PGF: variants seen among roughly 807,000 people sequenced by gnomAD.
PGF encodes the protein placental growth factor, also known as placenta growth factor.
Under a neutral mutation model 25.3 loss-of-function variants are expected in PGF, and 11 were observed. The ratio of observed to expected loss-of-function variants is 0.43; its 90% confidence interval spans 0.27 to 0.72. The LOEUF is 0.72. Ranked by LOEUF, PGF falls within the 30% of genes least tolerant of loss-of-function variation. The probability of loss-of-function intolerance (pLI) is 0.18; values close to 1 mark genes in which losing one functional copy is unlikely to be tolerated. For synonymous variants in PGF, 105 were observed against 97.9 expected, an observed-to-expected ratio of 1.07 and a Z score of -0.43; for missense variants, 230 against 234.9, an observed-to-expected ratio of 0.98 and a Z score of 0.14.
At chr14:74,952,951 G>A (rs2140409696) in intron 2 of PGF, among the ~76,000 whole-genome samples, 1 of 152,328 alleles carries the variant, frequency 6.6e-6, no homozygotes, top group African/African-American at 2.4e-5. Flanking sequence ...AGGGCATAGT[G>A]TGGAGGTAGG....
intron 6 of PGF, chr14:74,944,639 A>G (rs573915054): frequency 2.0e-5 from 3 of 148,516 alleles, no homozygotes; most frequent in African/African-American, 7.5e-5. Flanking sequence ...TTGACCTCCC[A>G]GGCTCAGGTG....
chr14:74,946,197 G>A lies in PGF; in HGVS notation c.485+16C>T, dbSNP rs1888728450. The A allele has an allele frequency of 6.2e-7, 1 of 1,612,716 alleles. No individual in the cohort carries two copies. Among genetic ancestry groups the A allele is most frequent in the Non-Finnish European group, 8.5e-7 (1 of 1,178,966 alleles). On this transcript the variant is annotated intron_variant, in intron 6 of 6. Coordinates refer to ENST00000555567, the MANE Select transcript of PGF (RefSeq NM_002632.6). ...GGCCCAGCCTCCTCGCCATCCCTGGGACCCCGCACACTCACAGGTGGCAGT... is the reference window on the plus strand; with the variant it reads ...GGCCCAGCCTCCTCGCCATCCCTGGAACCCCGCACACTCACAGGTGGCAGT...
intron 4 of PGF, chr14:74,947,034 G>A (rs979014980): frequency 3.0e-5 from 18 of 591,034 alleles, no homozygotes; most frequent in Non-Finnish European, 4.5e-5. Context: ...TGGGAACAGT[G>A]GGTAGAGACA....
rs566804579 is a variant in PGF at position 74,950,558 on chromosome 14, G to A, written c.119-1005C>T. Among the ~76,000 whole-genome samples the A allele has an allele frequency of 6.6e-6, 1 of 152,186 alleles. No individual in the cohort carries two copies. The highest frequency in any genetic ancestry group is 1.9e-4 in the East Asian group (1 of 5,188). ...CTCAAAAGATGCTGCTCTTTCGGGG[G>A]AAGGCCTAGGACCAGGCCCCAAATA... On this transcript the variant is annotated intron_variant, in intron 2 of 6. Transcript: ENST00000555567. The surrounding 1 kb of genome is among the most constrained non-coding windows in gnomAD (Gnocchi z 4.1).
Position 74,953,872 on chromosome 14 carries a change from G to A in PGF, c.118+32C>T. On this transcript the variant is annotated intron_variant, in intron 2 of 6. Transcript: ENST00000555567. This position sits in a 1 kb window ranked among gnomAD's most constrained non-coding sequence, Gnocchi z 5.4. ...GGAGAAAGGAAGAGAGGGGCTTGGG[G>A]AGCATGCGTACCCCCAGCCTGGCCA... 1 of 1,610,296 alleles carries A rather than the reference G, an allele frequency of 6.2e-7. No homozygotes were observed. The highest frequency in any genetic ancestry group is 8.5e-7 in the Non-Finnish European group (1 of 1,176,742).
At chr14:74,944,381 T>A (rs61759397) in intron 6 of PGF, among the ~76,000 whole-genome samples, 3 of 151,438 alleles carry the variant, frequency 2.0e-5, no homozygotes, top group Non-Finnish European at 4.4e-5. Context: ...GGATTACAGG[T>A]GTGAGCCACC....
chr14:74,948,549 T>G lies in PGF; in HGVS notation c.350A>C (p.Tyr117Ser). The stretch of plus-strand genomic sequence containing the variant: ...GTGCTGAGAGAACGTCAGCTCCACG[T>G]AGGAGGGCCGGTCCCCAGAACGGAT... The part of the protein sequence containing the change: ...LKIRSGDRPS[Y>S]VELTFSQHVR... Residue 117 changes from tyrosine (Y) to serine (S), a missense_variant, in exon 4 of 7, where the codon TAC becomes TCC. Physicochemically the swap from Tyr to Ser is moderately radical, Grantham distance 144 (BLOSUM62 -2). Transcript: ENST00000555567. The G allele has an allele frequency of 6.2e-7, 1 of 1,605,006 alleles. No individual in the cohort carries two copies. The highest frequency in any genetic ancestry group is 8.5e-7 in the Non-Finnish European group (1 of 1,173,188).
chr14:74,946,171 G>A (rs769389299), intron 6 of PGF, 42 bp downstream of exon 6: 12 of 1,593,996 alleles, frequency 7.5e-6, no homozygotes, highest in African/African-American at 4.0e-5. Flanking sequence ...GGCTCCCCTC[G>A]GGCCCAGCCT....
intron 3 of PGF, among the ~76,000 whole-genome samples, chr14:74,948,854 A>T (rs1289794578): frequency 1.3e-5 from 2 of 152,148 alleles, no homozygotes. Context: ...CCGTGTTCAG[A>T]TCTTGACTCT....
intron 1 of PGF, among the ~76,000 whole-genome samples, chr14:74,954,407 G>A (rs957496919): frequency 1.3e-5 from 2 of 152,272 alleles, no homozygotes; most frequent in Admixed American, 1.3e-4. Flanking sequence ...GGCCAGCCCT[G>A]CAGCAGGCAG....
chr14:74,942,760 CG>C, intron 6 of PGF, 27 bp from the exon 7 acceptor site: 2 of 1,603,242 alleles, frequency 1.2e-6, no homozygotes, highest in Non-Finnish European at 1.7e-6. Context: ...ACAGACGGGG[CG>C]GGTATCAGCA....
At chr14:74,951,627 C>G (rs1416004631) in intron 2 of PGF, among the ~76,000 whole-genome samples, 1 of 152,214 alleles carries the variant, frequency 6.6e-6, no homozygotes, top group African/African-American at 2.4e-5. Context: ...GCTGCGGGGC[C>G]ATGGCCACCT....
Position 74,955,250 on chromosome 14 carries a change from G to C in PGF, c.-8C>G. 6.9e-7 allele frequency: 1 copy of C among 1,451,608 alleles called. No individual in the cohort carries two copies. Among genetic ancestry groups the C allele is most frequent in the African/African-American group, 1.5e-5 (1 of 68,916 alleles). The allele number at this position is 1,451,608 out of a possible 1,614,324, so 89.9% of individuals were successfully genotyped here. ...CAGCCTCATGACCGGCATCTTCTCA[G>C]ACGTCCCGAGCCAGGGGGCTCCGAG... On this transcript the variant is annotated 5_prime_UTR_variant, in exon 1 of 7. Transcript: ENST00000555567. The surrounding 1 kb of genome is among the most constrained non-coding windows in gnomAD (Gnocchi z 4.1).
rs760902998 is a variant in PGF at position 74,949,537 on chromosome 14, T to C, written c.135A>G (p.Glu45=). 7.6e-6 allele frequency: 12 copies of C among 1,579,714 alleles called. No individual in the cohort carries two copies. Among genetic ancestry groups the C allele is most frequent in the Admixed American group, 1.8e-5 (1 of 55,956 alleles). ...SSEVEVVPFQ[E]VWGRSYCRAL... Reference sequence around the variant, plus strand: ...CCCGGCAGTAGCTGCGGCCCCACACTTCCTGGAAGGGTACCACTGCGAGGA... The same window carrying C: ...CCCGGCAGTAGCTGCGGCCCCACACCTCCTGGAAGGGTACCACTGCGAGGA... Residue 45 remains glutamate, a synonymous_variant, in exon 3 of 7, where the codon GAA becomes GAG. Transcript: ENST00000555567.
intron 1 of PGF, chr14:74,954,256 C>T (rs1888934417): frequency 4.9e-6 from 2 of 406,794 alleles, no homozygotes; most frequent in African/African-American, 2.0e-5. Flanking sequence ...TCTACCCAGC[C>T]CCCAGGCCAA....
Position 74,955,435 on chromosome 14 carries a change from G to A in PGF, c.-193C>T. 2.5e-6 allele frequency: 1 copy of A among 401,012 alleles called. No individual in the cohort carries two copies. 24.8% of individuals were successfully genotyped at this position (401,012 alleles called of 1,614,324 possible). On this transcript the variant is annotated 5_prime_UTR_variant, in exon 1 of 7. Coordinates refer to ENST00000555567, the MANE Select transcript of PGF (RefSeq NM_002632.6). This position sits in a 1 kb window ranked among gnomAD's most constrained non-coding sequence, Gnocchi z 4.1. ...GAGTCAGGAGCCCGTAGGTAAGGCT[G>A]TGGCTGGGGAACCCGACGGGGAGCG... is the stretch of plus-strand genomic sequence containing the variant.
At chr14:74,944,233 G>C (rs188176801) in intron 6 of PGF, among the ~76,000 whole-genome samples, 3 of 151,798 alleles carry the variant, frequency 2.0e-5, no homozygotes, top group African/African-American at 4.8e-5. Context: ...CTCCCGAGTA[G>C]CTGGGACTAT....
chr14:74,944,374 T>C (rs1451357557), intron 6 of PGF, among the ~76,000 whole-genome samples: 1 of 152,090 alleles, frequency 6.6e-6, no homozygotes, highest in Admixed American at 6.5e-5. Context: ...AGTGCTGGGA[T>C]TACAGGTGTG....
chr14:74,950,940 T>C lies in PGF; in HGVS notation c.119-1387A>G, dbSNP rs926384758. On this transcript the variant is annotated intron_variant, in intron 2 of 6. Transcript: ENST00000555567. The surrounding 1 kb of genome is among the most constrained non-coding windows in gnomAD (Gnocchi z 4.1). The stretch of plus-strand genomic sequence containing the variant: ...AATGGCCTCTCCCAGCAACCCCTCA[T>C]TTCTTCCATGCCTCTGCCTAGGAGG... Among the ~76,000 whole-genome samples, 1 of 152,152 alleles carries C rather than the reference T, an allele frequency of 6.6e-6. No homozygotes were observed. Among genetic ancestry groups the C allele is most frequent in the African/African-American group, 2.4e-5 (1 of 41,438 alleles).
Sources: allele counts gnomAD v4.1 joint callset (sites outside exome capture counted in the v4.1 genomes callset), GRCh38; gene constraint gnomAD v4.1.1; non-coding constraint Gnocchi (gnomAD v3.1); transcripts MANE v1.5; gene names NCBI Gene and HGNC (gene_info 2026-07-23, HGNC 2026-07-21).